MROH2B: variants seen among roughly 807,000 people sequenced by gnomAD.
MROH2B encodes the protein maestro heat-like repeat-containing protein family member 2B.
Under a neutral mutation model 208.6 loss-of-function variants are expected in MROH2B, and 177 were observed. The observed-to-expected ratio is 0.85, with a 90% CI of 0.75 to 0.96. The LOEUF (loss-of-function observed/expected upper bound fraction) is 0.96, where lower values mean the gene tolerates loss of function less well. Ranked by LOEUF, MROH2B falls within the 40% of genes least tolerant of loss-of-function variation. The pLI is 0.00. For synonymous variants in MROH2B, 728 were observed against 659.0 expected, an observed-to-expected ratio of 1.10 and a Z score of -1.60; for missense variants, 2,002 against 1,878.7, an observed-to-expected ratio of 1.07 and a Z score of -1.21.
intron 7 of MROH2B, 57 bp from the exon 8 acceptor site, chr5:41,057,417 G>C: frequency 7.9e-7 from 1 of 1,260,672 alleles, no homozygotes. Context: ...AGCTGCACAG[G>C]ATGTGGAAGG....
chr5:41,050,422 G>T (rs990502661), intron 13 of MROH2B, among the ~76,000 whole-genome samples: 1 of 152,154 alleles, frequency 6.6e-6, no homozygotes, highest in African/African-American at 2.4e-5. Flanking sequence ...AGTAGGTCTG[G>T]TGTGTGACCT....
intron 41 of MROH2B, among the ~76,000 whole-genome samples, chr5:40,998,378 T>C (rs1452493013): frequency 6.6e-6 from 1 of 152,116 alleles, no homozygotes; most frequent in Non-Finnish European, 1.5e-5. Context: ...TTGTGATCAG[T>C]AGGTTTAGGC....
At chr5:41,012,025 G>A (rs1330308234) in intron 30 of MROH2B, among the ~76,000 whole-genome samples, 1 of 152,182 alleles carries the variant, frequency 6.6e-6, no homozygotes, top group Non-Finnish European at 1.5e-5. Flanking sequence ...GACTTCAGAA[G>A]AGAAAAGAGA....
chr5:41,012,770 C>A, intron 29 of MROH2B, 35 bp from the exon 30 acceptor site: 1 of 1,610,716 alleles, frequency 6.2e-7, no homozygotes, highest in Non-Finnish European at 8.5e-7. Context: ...GTGTAATCAA[C>A]CACCCCATTT....
chr5:41,022,710 C>G lies in MROH2B; in HGVS notation c.2442-3692G>C, dbSNP rs577351457. Among the ~76,000 whole-genome samples the G allele has an allele frequency of 2.8e-4, 43 of 152,260 alleles. No individual in the cohort carries two copies. In the South Asian group the frequency reaches 7.7e-3, roughly 27 times the overall value. On this transcript the variant is annotated intron_variant, in intron 24 of 41. Coordinates refer to ENST00000399564, the MANE Select transcript of MROH2B (RefSeq NM_173489.5). ...AGCTTTGAAGAGAGTAGTGGTTCTC[C>G]CGGCACGAAGATCTGAGAACGGACA...
intron 20 of MROH2B, 37 bp from the exon 21 acceptor site, chr5:41,038,925 T>C: frequency 6.4e-7 from 1 of 1,564,484 alleles, no homozygotes; most frequent in East Asian, 2.2e-5. Context: ...AAAATGTGAC[T>C]GAAGGAGTTC....
chr5:41,045,945 A>G, intron 17 of MROH2B, 92 bp from the exon 18 acceptor site: 3 of 787,136 alleles, frequency 3.8e-6, no homozygotes, highest in South Asian at 4.1e-5. Context: ...AAAAGTTTAA[A>G]TATATTTTAA....
chr5:41,031,073 CTT>C (rs1297932709), intron 24 of MROH2B, among the ~76,000 whole-genome samples: 1 of 151,958 alleles, frequency 6.6e-6, no homozygotes, highest in Non-Finnish European at 1.5e-5. Context: ...GAAATAAAGA[CTT>C]AAAGGAATGT....
chr5:41,006,471 A>G (rs768356636), intron 34 of MROH2B, among the ~76,000 whole-genome samples: 24 of 152,260 alleles, frequency 1.6e-4, no homozygotes, highest in Non-Finnish European at 3.4e-4. Flanking sequence ...TTGATCCAAC[A>G]GTCCCACTAC....
chr5:41,067,760 T>C (rs1743857067), intron 2 of MROH2B, among the ~76,000 whole-genome samples: 1 of 152,212 alleles, frequency 6.6e-6, no homozygotes, highest in Non-Finnish European at 1.5e-5. Flanking sequence ...CTTGGCTATA[T>C]TTCTATGGCA....
intron 19 of MROH2B, among the ~76,000 whole-genome samples, chr5:41,040,136 C>T (rs1002026729): frequency 2.6e-5 from 4 of 152,102 alleles, no homozygotes; most frequent in Non-Finnish European, 5.9e-5. Context: ...TCTATGATTG[C>T]TGGGAAGCTA....
intron 30 of MROH2B, among the ~76,000 whole-genome samples, chr5:41,011,349 A>C (rs1741767413): frequency 6.6e-6 from 1 of 152,208 alleles, no homozygotes; most frequent in Non-Finnish European, 1.5e-5. Context: ...GAGAGGATTT[A>C]GGTCCCTATT....
chr5:41,008,026 C>T (rs1034848884), intron 33 of MROH2B, among the ~76,000 whole-genome samples: 1 of 152,154 alleles, frequency 6.6e-6, no homozygotes, highest in Admixed American at 6.5e-5. Flanking sequence ...TATAATTTTA[C>T]ATTGGAATGA....
intron 37 of MROH2B, among the ~76,000 whole-genome samples, chr5:41,001,898 C>T (rs1196938123): frequency 1.3e-5 from 2 of 150,992 alleles, no homozygotes; most frequent in African/African-American, 2.4e-5. Context: ...CCCATATGAA[C>T]AAAAAGGGAT....
intron 18 of MROH2B, among the ~76,000 whole-genome samples, chr5:41,044,534 A>G (rs1185896096): frequency 6.6e-6 from 1 of 152,152 alleles, no homozygotes; most frequent in Non-Finnish European, 1.5e-5. Flanking sequence ...ATTATTCTAG[A>G]GTAATCTTGT....
rs529676075 is a variant in MROH2B, at chr5:41,056,733, G to T, written c.919+376C>A. 9.3e-5 allele frequency among the ~76,000 whole-genome samples: 14 copies of T among 150,880 alleles called. No individual in the cohort carries two copies. In the South Asian group the frequency reaches 2.5e-3, roughly 27 times the overall value. On this transcript the variant is annotated intron_variant, in intron 9 of 41. Coordinates refer to ENST00000399564, the MANE Select transcript of MROH2B (RefSeq NM_173489.5). ...TAAGAGATGACCAGGAAGAGAAAAG[G>T]GTGACTTTGGTTTGACACAGACTCA...
At chr5:41,007,195 C>T (rs1166543229) in intron 34 of MROH2B, 119 bp downstream of exon 34, 21 of 992,074 alleles carry the variant, frequency 2.1e-5, no homozygotes, top group Admixed American at 4.2e-5. Flanking sequence ...TGTCCTCCTT[C>T]GACTATTAGT....
chr5:41,040,042 G>A (rs1168022582), intron 19 of MROH2B, among the ~76,000 whole-genome samples: 2 of 152,148 alleles, frequency 1.3e-5, no homozygotes, highest in Non-Finnish European at 2.9e-5. Flanking sequence ...AGGGAGGAGA[G>A]CAGTGCAAAA....
At chr5:41,000,077 C>T in intron 39 of MROH2B, 143 bp downstream of exon 39, 5 of 1,105,670 alleles carry the variant, frequency 4.5e-6, no homozygotes, top group South Asian at 1.6e-5. Flanking sequence ...TCACTATATC[C>T]TGTGAAATCA....
Sources: gnomAD v4.1 joint callset for allele counts (sites outside exome capture counted in the v4.1 genomes callset) on GRCh38, gnomAD v4.1.1 for gene constraint, MANE v1.5 for transcripts, NCBI Gene and HGNC (gene_info 2026-07-23, HGNC 2026-07-21) for gene names.